Variants in ADAMTS3 observed in about 807,000 individuals in gnomAD.
The protein encoded by ADAMTS3 is ADAM metallopeptidase with thrombospondin type 1 motif 3.
A neutral mutation model predicts 129.0 loss-of-function variants in ADAMTS3; 73 were observed. That is an observed-to-expected ratio of 0.57 (90% CI 0.47 to 0.69). The LOEUF (loss-of-function observed/expected upper bound fraction) is 0.69. Ranked by LOEUF, ADAMTS3 falls within the 30% of genes least tolerant of loss-of-function variation. ADAMTS3 has a pLI of 0.00. For missense variants in ADAMTS3, 1,457 were observed against 1,514.5 expected, an observed-to-expected ratio of 0.96 and a Z score of 0.63; for synonymous variants, 477 against 510.8, an observed-to-expected ratio of 0.93 and a Z score of 0.89.
At chr4:72,489,279 C>A (rs1719674614) in intron 3 of ADAMTS3, among the ~76,000 whole-genome samples, 1 of 151,890 alleles carries the variant, frequency 6.6e-6, no homozygotes, top group South Asian at 2.1e-4. Flanking sequence ...CAGTAGCCCC[C>A]CTTTATCTGC....
intron 3 of ADAMTS3, among the ~76,000 whole-genome samples, chr4:72,425,272 C>T (rs996402833): frequency 3.3e-5 from 5 of 152,030 alleles, no homozygotes; most frequent in African/African-American, 1.2e-4. Context: ...CTTAATGATT[C>T]ACACTGTCCA....
At chr4:72,484,199 C>T (rs1188484026) in intron 3 of ADAMTS3, among the ~76,000 whole-genome samples, 1 of 152,036 alleles carries the variant, frequency 6.6e-6, no homozygotes, top group African/African-American at 2.4e-5. Context: ...AAGATAATAA[C>T]AAAGTTTAAA....
In ADAMTS3 at chr4:72,311,457, G is replaced by A. The variant is rs775277451; in HGVS notation, c.1922-276C>T. 1.2e-4 allele frequency among the ~76,000 whole-genome samples: 19 copies of A among 152,104 alleles called. No individual in the cohort carries two copies. The South Asian group carries it at 3.9e-3, about 32-fold the overall frequency. On this transcript the variant is annotated intron_variant, in intron 13 of 21. Coordinates refer to ENST00000286657, the MANE Select transcript of ADAMTS3 (RefSeq NM_014243.3). ...CAGGTATAAACTGGGACTGCCCCAG[G>A]CAACCCTAGATTTCAACATAGCTCT...
chr4:72,321,021 A>T, intron 6 of ADAMTS3, 151 bp from the exon 7 acceptor site: 1 of 743,568 alleles, frequency 1.3e-6, no homozygotes, highest in Non-Finnish European at 2.1e-6. Context: ...TTGATTTGTG[A>T]CTTCTAAATG....
intron 3 of ADAMTS3, among the ~76,000 whole-genome samples, chr4:72,473,960 C>A (rs1719152705): frequency 6.6e-6 from 1 of 152,186 alleles, no homozygotes; most frequent in African/African-American, 2.4e-5. Flanking sequence ...CCCACTCCCA[C>A]CCAGCAGTAA....
intron 13 of ADAMTS3, 60 bp downstream of exon 13, chr4:72,312,231 C>G: frequency 3.1e-6 from 5 of 1,591,884 alleles, no homozygotes; most frequent in Non-Finnish European, 3.4e-6. Context: ...TTCGTGCTGG[C>G]AAAGCTTAAA....
intron 19 of ADAMTS3, among the ~76,000 whole-genome samples, chr4:72,294,556 C>T (rs1284115998): frequency 6.6e-6 from 1 of 151,870 alleles, no homozygotes; most frequent in African/African-American, 2.4e-5. Flanking sequence ...TACATCGTAC[C>T]CCATAAAAAC....
intron 4 of ADAMTS3, among the ~76,000 whole-genome samples, chr4:72,376,568 T>A (rs1721138211): frequency 6.6e-6 from 1 of 152,122 alleles, no homozygotes; most frequent in Non-Finnish European, 1.5e-5. Flanking sequence ...CTGGGGAGCT[T>A]AGTAAACCAT....
At chr4:72,567,845 A>G (rs1722056084) in intron 1 of ADAMTS3, among the ~76,000 whole-genome samples, 1 of 152,206 alleles carries the variant, frequency 6.6e-6, no homozygotes, top group African/African-American at 2.4e-5. Flanking sequence ...GAAGCTACAA[A>G]AACTAACAGA....
chr4:72,431,855 C>T (rs930458715), intron 3 of ADAMTS3, among the ~76,000 whole-genome samples: 13 of 151,308 alleles, frequency 8.6e-5, no homozygotes, highest in African/African-American at 2.4e-4. Context: ...AAAGAGCCCA[C>T]GAAAAAATAG....
intron 3 of ADAMTS3, among the ~76,000 whole-genome samples, chr4:72,453,255 A>G (rs1270403483): frequency 1.3e-5 from 2 of 151,852 alleles, no homozygotes; most frequent in Admixed American, 6.6e-5. Context: ...AATATTTCAG[A>G]CACTATGGCT....
intron 3 of ADAMTS3, among the ~76,000 whole-genome samples, chr4:72,539,083 G>A (rs773424257): frequency 1.3e-5 from 2 of 151,258 alleles, no homozygotes; most frequent in African/African-American, 4.9e-5. Flanking sequence ...ATATATATAG[G>A]GCAAAAGCTT....
At chr4:72,531,425 G>T (rs2109764145) in intron 3 of ADAMTS3, among the ~76,000 whole-genome samples, 1 of 152,276 alleles carries the variant, frequency 6.6e-6, no homozygotes, top group Non-Finnish European at 1.5e-5. Context: ...GAGCTCAGAA[G>T]AGAAGTCAGA....
intron 3 of ADAMTS3, among the ~76,000 whole-genome samples, chr4:72,445,630 T>C (rs913879184): frequency 2.0e-5 from 3 of 151,678 alleles, no homozygotes; most frequent in African/African-American, 7.2e-5. Context: ...AGCAAAGTAT[T>C]AGCTAAACAA....
chr4:72,544,954 T>C (rs1019094955), intron 3 of ADAMTS3, among the ~76,000 whole-genome samples: 14 of 152,102 alleles, frequency 9.2e-5, no homozygotes, highest in Non-Finnish European at 1.5e-4. Flanking sequence ...GGAAAAACTA[T>C]AATCAAATTG....
chr4:72,568,999 A>G lies in ADAMTS3; in HGVS notation c.-237T>C, dbSNP rs966162163. 3 of 566,708 alleles carry G rather than the reference A, an allele frequency of 5.3e-6. No homozygotes were observed. Among genetic ancestry groups the G allele is most frequent in the Non-Finnish European group, 9.4e-6 (3 of 317,664 alleles). The allele number at this position is 566,708 out of a possible 1,614,324, so 35.1% of individuals were successfully genotyped here. A position where few individuals can be genotyped will look rare whatever the true frequency, so the allele number is the denominator to read the frequency against. On this transcript the variant is annotated 5_prime_UTR_variant, in exon 1 of 22. Transcript: ENST00000286657. ...TTCTCACCCCGTCCTCCCAACACAG[A>G]GTGTGCAGGAGCGAGAAGGTGCTGT...
chr4:72,452,902 A>C (rs1324864477), intron 3 of ADAMTS3, among the ~76,000 whole-genome samples: 1 of 151,786 alleles, frequency 6.6e-6, no homozygotes, highest in African/African-American at 2.4e-5. Context: ...GATGTATCGG[A>C]GTCTATCTCA....
intron 4 of ADAMTS3, among the ~76,000 whole-genome samples, chr4:72,340,659 C>T (rs1454780166): frequency 6.6e-6 from 1 of 151,978 alleles, no homozygotes; most frequent in Non-Finnish European, 1.5e-5. Flanking sequence ...CACACATACA[C>T]ACACATATAC....
At chr4:72,414,752 G>C in intron 4 of ADAMTS3, 63 bp downstream of exon 4, 1 of 1,205,044 alleles carries the variant, frequency 8.3e-7, no homozygotes, top group Non-Finnish European at 1.1e-6. Flanking sequence ...TACTTGATGG[G>C]AGAGTTGTTT....
Sources: allele counts gnomAD v4.1 joint callset (sites outside exome capture counted in the v4.1 genomes callset), GRCh38; gene constraint gnomAD v4.1.1; transcripts MANE v1.5; gene names NCBI Gene and HGNC (gene_info 2026-07-23, HGNC 2026-07-21).